The following FBXL17 variants were observed in gnomAD, a reference collection of about 807,000 sequenced individuals.
The protein encoded by FBXL17 is F-box and leucine rich repeat protein 17, also known as F-box/LRR-repeat protein 17.
In FBXL17, 22 loss-of-function variants were observed where a neutral mutation model predicts 66.2. The ratio of observed to expected loss-of-function variants is 0.33; its 90% CI spans 0.24 to 0.47. The LOEUF is 0.47. FBXL17 is among the 20% of genes least tolerant of loss of function. The probability of loss-of-function intolerance (pLI) is 1.00; values close to 1 mark genes in which losing one functional copy is unlikely to be tolerated. For missense variants in FBXL17, 878 were observed against 948.2 expected, an observed-to-expected ratio of 0.93 and a Z score of 0.97; for synonymous variants, 474 against 400.5, an observed-to-expected ratio of 1.18 and a Z score of -2.19.
At chr5:108,336,754 A>T (rs910305346) in intron 4 of FBXL17, among the ~76,000 whole-genome samples, 4 of 152,178 alleles carry the variant, frequency 2.6e-5, no homozygotes, top group African/African-American at 7.2e-5. Flanking sequence ...TCAAACTATC[A>T]TTGCCATTCT....
At chr5:107,887,117 T>C (rs530283472) in intron 7 of FBXL17, among the ~76,000 whole-genome samples, 2 of 152,320 alleles carry the variant, frequency 1.3e-5, no homozygotes, top group South Asian at 4.1e-4. Context: ...GTATTGTGGT[T>C]GTAGAGGTTG....
At chr5:108,219,792 G>GT (rs920114916) in intron 5 of FBXL17, among the ~76,000 whole-genome samples, 2 of 151,798 alleles carry the variant, frequency 1.3e-5, no homozygotes, top group Non-Finnish European at 2.9e-5. Context: ...ACATTGGCAA[G>GT]TTTTTTTTGA....
At chr5:108,373,512 C>G (rs1749205951) in intron 1 of FBXL17, among the ~76,000 whole-genome samples, 1 of 150,880 alleles carries the variant, frequency 6.6e-6, no homozygotes, top group Non-Finnish European at 1.5e-5. Flanking sequence ...GAGGAATTGA[C>G]AAACAAAAAA....
At chr5:108,090,742 C>T (rs1749157038) in intron 6 of FBXL17, among the ~76,000 whole-genome samples, 2 of 152,076 alleles carry the variant, frequency 1.3e-5, no homozygotes, top group African/African-American at 4.8e-5. Flanking sequence ...AGCATGTGGG[C>T]CATACAAAAA....
intron 5 of FBXL17, among the ~76,000 whole-genome samples, chr5:108,220,668 G>T (rs140896415): frequency 6.6e-6 from 1 of 151,976 alleles, no homozygotes; most frequent in Non-Finnish European, 1.5e-5. Context: ...AAATATCCCA[G>T]CCTAAGTCAG....
intron 6 of FBXL17, among the ~76,000 whole-genome samples, chr5:108,113,318 A>G (rs1020923706): frequency 6.6e-6 from 1 of 152,114 alleles, no homozygotes; most frequent in Non-Finnish European, 1.5e-5. Context: ...ACACACTTTA[A>G]CTACTGAGCC....
At position 108,381,518 on chromosome 5, in the gene FBXL17, G is replaced by A. The variant is rs1175830001; in HGVS notation, c.174C>T (p.Pro58=). 3.5e-6 allele frequency: 5 copies of A among 1,412,476 alleles called. No individual in the cohort carries two copies. The highest frequency in any genetic ancestry group is 1.8e-6 in the Non-Finnish European group (2 of 1,092,924). The allele number at this position is 1,412,476 out of a possible 1,614,324, so 87.5% of individuals were successfully genotyped here. The stretch of plus-strand genomic sequence containing the variant: ...TGTGCACGATGAAGCAGAGCATGCA[G>A]GGCCCGCGGAAGAAGCAGTCCCGGC... ...PRSRDCFFRG[P]CMLCFIVHSP... The change falls in exon 1 of 9, where the codon CCC becomes CCT. Residue 58 remains proline, a synonymous_variant. Transcript: ENST00000542267.
At chr5:108,236,452 G>T (rs563275319) in intron 4 of FBXL17, among the ~76,000 whole-genome samples, 13 of 152,058 alleles carry the variant, frequency 8.5e-5, no homozygotes, top group South Asian at 4.1e-4. Context: ...AGTGGAGGTT[G>T]CAGTGAGCAG....
At position 108,211,480 on chromosome 5, in the gene FBXL17, T is replaced by G. The variant is rs146125784; in HGVS notation, c.1614+12641A>C. Among the ~76,000 whole-genome samples, 534 of 152,346 alleles carry G rather than the reference T, an allele frequency of 3.5e-3. 4 individuals are homozygous for G. Among genetic ancestry groups the G allele is most frequent in the African/African-American group, 0.012 (519 of 41,578 alleles). On this transcript the variant is annotated intron_variant, in intron 5 of 8. Transcript: ENST00000542267. ...GGCTGGTACTGGTTTCTCCTTTCCATGTTTAGTGCTTCTTTCAGGAGCTGT... is the reference window on the plus strand; with the variant it reads ...GGCTGGTACTGGTTTCTCCTTTCCAGGTTTAGTGCTTCTTTCAGGAGCTGT...
At chr5:108,287,262 G>A (rs554540006) in intron 4 of FBXL17, among the ~76,000 whole-genome samples, 1 of 151,918 alleles carries the variant, frequency 6.6e-6, no homozygotes, top group African/African-American at 2.4e-5. Flanking sequence ...AACAAAAATT[G>A]ACAAATAGGA....
At chr5:108,120,566 C>T (rs1750447479) in intron 6 of FBXL17, among the ~76,000 whole-genome samples, 1 of 152,126 alleles carries the variant, frequency 6.6e-6, no homozygotes, top group Non-Finnish European at 1.5e-5. Flanking sequence ...TGCAGTGGCT[C>T]ACATGAATAA....
chr5:108,358,444 T>G lies in FBXL17; in HGVS notation c.1374+6294A>C, dbSNP rs189253339. On this transcript the variant is annotated intron_variant, in intron 3 of 8. Transcript: ENST00000542267. ...GCTTTTGCACACCAATTAAGATGAC[T>G]GGTTTTTTTTTCCTTTCATTCTCTT... 2.0e-5 allele frequency among the ~76,000 whole-genome samples: 3 copies of G among 152,228 alleles called. No individual in the cohort carries two copies. In the East Asian group the frequency reaches 5.8e-4, roughly 29 times the overall value.
chr5:108,019,613 A>G (rs1421178143), intron 7 of FBXL17, among the ~76,000 whole-genome samples: 1 of 152,016 alleles, frequency 6.6e-6, no homozygotes, highest in African/African-American at 2.4e-5. Flanking sequence ...TAACAAATCT[A>G]CATGGGTATA....
chr5:107,980,700 A>G (rs1379339841), intron 7 of FBXL17, among the ~76,000 whole-genome samples: 8 of 102,608 alleles, frequency 7.8e-5, no homozygotes, highest in African/African-American at 3.4e-4. Flanking sequence ...TCTGTCGCCC[A>G]GGCTGGAGTG....
At chr5:108,130,515 T>C (rs1162311262) in intron 6 of FBXL17, among the ~76,000 whole-genome samples, 1 of 152,042 alleles carries the variant, frequency 6.6e-6, no homozygotes, top group Non-Finnish European at 1.5e-5. Context: ...ACGAAAAGTA[T>C]CTTTTCAAGA....
intron 4 of FBXL17, chr5:108,299,357 C>T (rs2150175423): frequency 2.0e-6 from 2 of 984,340 alleles, no homozygotes; most frequent in Non-Finnish European, 2.4e-6. Context: ...TTTGTACATA[C>T]ATAGTACAGT....
At chr5:108,312,499 A>G (rs939624661) in intron 4 of FBXL17, among the ~76,000 whole-genome samples, 3 of 147,446 alleles carry the variant, frequency 2.0e-5, no homozygotes, top group African/African-American at 7.3e-5. Flanking sequence ...GCAGCCACAC[A>G]TGTTATGACA....
intron 3 of FBXL17, among the ~76,000 whole-genome samples, chr5:108,361,058 T>C (rs1748310515): frequency 6.6e-6 from 1 of 152,150 alleles, no homozygotes; most frequent in South Asian, 2.1e-4. Context: ...TTAAAATCTT[T>C]AGTAAAATCT....
At chr5:108,126,836 C>T (rs1252420903) in intron 6 of FBXL17, among the ~76,000 whole-genome samples, 2 of 148,982 alleles carry the variant, frequency 1.3e-5, no homozygotes, top group African/African-American at 5.0e-5. Flanking sequence ...ATACATTTAG[C>T]AAAAAAGAAA....
Sources: allele counts gnomAD v4.1 joint callset (sites outside exome capture counted in the v4.1 genomes callset), GRCh38; gene constraint gnomAD v4.1.1; transcripts MANE v1.5; gene names NCBI Gene and HGNC (gene_info 2026-07-23, HGNC 2026-07-21).